Variants in DAB1 observed in about 807,000 individuals in gnomAD.
The protein encoded by DAB1 is disabled homolog 1.
Under a neutral mutation model 64.6 loss-of-function variants are expected in DAB1, and 15 were observed. That is an observed-to-expected ratio of 0.23 (90% CI 0.16 to 0.36). The LOEUF (loss-of-function observed/expected upper bound fraction) is 0.36, where lower values mean the gene tolerates loss of function less well. DAB1 is among the 10% of genes least tolerant of loss of function. The probability of loss-of-function intolerance (pLI) is 1.00; values close to 1 mark genes in which losing one functional copy is unlikely to be tolerated. For missense variants in DAB1, 596 were observed against 706.7 expected (o/e 0.84, Z 1.78); for synonymous variants, 235 against 251.9 (o/e 0.93, Z 0.64).
chr1:57,774,832 G>C (rs188167363), intron 6 of DAB1, among the ~76,000 whole-genome samples: 1 of 151,670 alleles, frequency 6.6e-6, no homozygotes, highest in Non-Finnish European at 1.5e-5. Flanking sequence ...GAAAGATTTC[G>C]TGTGGGAGTG....
chr1:57,771,548 A>G (rs903431102), intron 6 of DAB1, among the ~76,000 whole-genome samples: 1 of 152,130 alleles, frequency 6.6e-6, no homozygotes, highest in Non-Finnish European at 1.5e-5. Flanking sequence ...TTTCACTCCA[A>G]TAACAGATGG....
Position 57,964,900 on chromosome 1 carries a change from A to C in DAB1, n.388-80738T>G, listed in dbSNP as rs531148901. ...AGTGAACTGGGATGGAATAAGGCAA[A>C]TAAAGGTAGACATTATTTGCTGGGG... is the stretch of plus-strand genomic sequence containing the variant. On this transcript the variant is annotated intron_variant and non_coding_transcript_variant, in intron 5 of 20. Coordinates refer to the DAB1 transcript ENST00000485760. Among the ~76,000 whole-genome samples, 26 of 152,272 alleles carry C rather than the reference A, an allele frequency of 1.7e-4. No homozygotes were observed. In the South Asian group the frequency reaches 5.2e-3, roughly 30 times the overall value.
intron 3 of DAB1, among the ~76,000 whole-genome samples, chr1:58,487,464 C>A (rs1645594771): frequency 6.6e-6 from 1 of 152,132 alleles, no homozygotes; most frequent in Non-Finnish European, 1.5e-5. Flanking sequence ...AAAACAAAAT[C>A]ATTTATGCTT....
chr1:58,238,598 TG>T (rs1241701528), intron 4 of DAB1, among the ~76,000 whole-genome samples: 2 of 152,214 alleles, frequency 1.3e-5, no homozygotes, highest in Non-Finnish European at 2.9e-5. Flanking sequence ...TTTGCCATTG[TG>T]CCCCCTGAGG....
At chr1:57,711,993 A>AT (rs1369255042) in intron 6 of DAB1, among the ~76,000 whole-genome samples, 1 of 151,952 alleles carries the variant, frequency 6.6e-6, no homozygotes, top group African/African-American at 2.4e-5. Context: ...CTTTTATATT[A>AT]TTTTTTTCTA....
intron 1 of DAB1, among the ~76,000 whole-genome samples, chr1:58,540,136 T>C (rs1283996374): frequency 6.6e-6 from 1 of 152,128 alleles, no homozygotes; most frequent in East Asian, 1.9e-4. Flanking sequence ...AACCTTATCA[T>C]TCGTGGGTAG....
intron 7 of DAB1, among the ~76,000 whole-genome samples, chr1:57,646,667 T>G (rs1057113167): frequency 6.6e-6 from 1 of 152,136 alleles, no homozygotes; most frequent in African/African-American, 2.4e-5. Flanking sequence ...GAGGATCGCT[T>G]GAGCCCAGGA....
chr1:58,446,105 T>C (rs1351437239), intron 3 of DAB1, among the ~76,000 whole-genome samples: 2 of 152,222 alleles, frequency 1.3e-5, no homozygotes, highest in Admixed American at 6.5e-5. Flanking sequence ...TATACCATTA[T>C]TTAAATTTAC....
intron 4 of DAB1, among the ~76,000 whole-genome samples, chr1:58,215,531 T>C (rs1658807228): frequency 6.6e-6 from 1 of 152,174 alleles, no homozygotes; most frequent in Admixed American, 6.5e-5. Context: ...ACAGCCCTTG[T>C]ACTGATATAT....
chr1:58,350,672 A>G (rs1303666701), intron 3 of DAB1, among the ~76,000 whole-genome samples: 1 of 152,144 alleles, frequency 6.6e-6, no homozygotes, highest in African/African-American at 2.4e-5. Context: ...TGTTTTCTGC[A>G]TATGCCTAGC....
rs867016333 is a variant in DAB1 at position 57,870,346 on chromosome 1, C to T, written n.87+13653G>A. ...CTTGGGGCTGCATAGAGTTATGGGG[C>T]CAGCCTAATAGGGAGGTGGCTGGAA... is the stretch of plus-strand genomic sequence containing the variant. On this transcript the variant is annotated intron_variant and non_coding_transcript_variant, in intron 1 of 1. Transcript: ENST00000477280. Among the ~76,000 whole-genome samples the T allele has an allele frequency of 2.6e-5, 4 of 152,188 alleles. No individual in the cohort carries two copies. In the South Asian group the frequency reaches 6.2e-4, roughly 24 times the overall value.
chr1:57,402,628 A>C (rs947774687), intron 1 of DAB1, among the ~76,000 whole-genome samples: 1 of 152,212 alleles, frequency 6.6e-6, no homozygotes, highest in Non-Finnish European at 1.5e-5. Flanking sequence ...GAGCTTAGGC[A>C]ATATATTTTC....
chr1:57,003,288 T>C (rs1389939905), intron 14 of DAB1, among the ~76,000 whole-genome samples: 1 of 152,222 alleles, frequency 6.6e-6, no homozygotes, highest in Non-Finnish European at 1.5e-5. Context: ...CTCACAGAAC[T>C]GGAGTAATAA....
chr1:58,299,900 G>C (rs953647093), intron 4 of DAB1, among the ~76,000 whole-genome samples: 9 of 152,150 alleles, frequency 5.9e-5, no homozygotes, highest in Non-Finnish European at 1.3e-4. Flanking sequence ...CATGCTTCCT[G>C]GAGGCAGAGG....
intron 6 of DAB1, among the ~76,000 whole-genome samples, chr1:57,795,690 GATATATATATATAT>G (rs3081038): frequency 0.029 from 2,028 of 69,088 alleles, 121 homozygotes; most frequent in African/African-American, 0.097. Flanking sequence ...TATGCTTGGA[GATATATATATATAT>G]ATATATATAT....
At chr1:57,927,724 T>G (rs58022662) in intron 5 of DAB1, among the ~76,000 whole-genome samples, 1 of 152,270 alleles carries the variant, frequency 6.6e-6, no homozygotes, top group African/African-American at 2.4e-5. Context: ...GTACATTCCT[T>G]AAAACAATGC....
intron 4 of DAB1, among the ~76,000 whole-genome samples, chr1:58,152,684 T>A (rs1412150094): frequency 6.6e-6 from 1 of 152,224 alleles, no homozygotes; most frequent in Non-Finnish European, 1.5e-5. Flanking sequence ...GTGCCAGTTT[T>A]CTTATCCTTA....
At chr1:57,916,732 G>C (rs1210696110) in intron 5 of DAB1, among the ~76,000 whole-genome samples, 3 of 152,170 alleles carry the variant, frequency 2.0e-5, no homozygotes, top group Non-Finnish European at 4.4e-5. Context: ...GAGGTCAGGA[G>C]TTCAAGACCA....
chr1:57,612,786 C>T (rs1645744028), intron 7 of DAB1, among the ~76,000 whole-genome samples: 1 of 152,076 alleles, frequency 6.6e-6, no homozygotes. Flanking sequence ...ATGAATCCAT[C>T]CCCACCCCCC....
Sources: allele counts gnomAD v4.1 joint callset (sites outside exome capture counted in the v4.1 genomes callset), GRCh38; gene constraint gnomAD v4.1.1; transcripts MANE v1.5; gene names NCBI Gene and HGNC (gene_info 2026-07-23, HGNC 2026-07-21).